The following SYNE2 variants were observed in gnomAD, a reference collection of about 807,000 sequenced individuals.
The protein encoded by SYNE2 is spectrin repeat containing nuclear envelope protein 2, also known as nesprin-2.
SYNE2 carries 431 observed loss-of-function variants against 856.3 expected under a neutral mutation model. The ratio of observed to expected loss-of-function variants is 0.50; its 90% CI spans 0.47 to 0.55. The LOEUF (loss-of-function observed/expected upper bound fraction) is 0.55, where lower values mean the gene tolerates loss of function less well. SYNE2 is among the 20% of genes least tolerant of loss of function. The probability of loss-of-function intolerance (pLI) is 0.00; values close to 1 mark genes in which losing one functional copy is unlikely to be tolerated. For missense variants in SYNE2, 8,129 were observed against 8,023.2 expected (o/e 1.01, Z -0.50); for synonymous variants, 2,923 against 2,872.3 (o/e 1.02, Z -0.56).
chr14:64,167,728 C>T, intron 92 of SYNE2, 89 bp downstream of exon 92: 2 of 1,534,790 alleles, frequency 1.3e-6, no homozygotes, highest in Non-Finnish European at 1.8e-6. Context: ...AGGGAGTGTA[C>T]CTATCAGTCC....
In SYNE2 at chr14:63,856,834, C is replaced by T. The variant is rs1019589184; in HGVS notation, c.-52+3691C>T. ...TCACCCAGGCTGGAGTACAGTGGTG[C>T]GATCATGGCTCACTGTAGCCTCTAC... On this transcript the variant is annotated intron_variant, in intron 1 of 115. Coordinates refer to ENST00000555002, the MANE Select transcript of SYNE2 (RefSeq NM_182914.3). Among the ~76,000 whole-genome samples, 7 of 152,250 alleles carry T rather than the reference C, an allele frequency of 4.6e-5. 1 individual carries two copies. The highest frequency in any genetic ancestry group is 4.1e-4 in the South Asian group (2 of 4,830).
At chr14:64,038,750 G>A (rs938203762) in intron 45 of SYNE2, among the ~76,000 whole-genome samples, 3 of 152,272 alleles carry the variant, frequency 2.0e-5, no homozygotes, top group Non-Finnish European at 4.4e-5. Flanking sequence ...GGCTGAGGCA[G>A]GAGAATCAGG....
chr14:63,964,688 C>A (rs902556348), intron 10 of SYNE2, among the ~76,000 whole-genome samples: 5 of 152,000 alleles, frequency 3.3e-5, no homozygotes, highest in Non-Finnish European at 7.4e-5. Flanking sequence ...CCATGCCCAG[C>A]TAATTTTGTG....
chr14:63,940,493 A>T, intron 2 of SYNE2, 121 bp from the exon 3 acceptor site: 2 of 880,150 alleles, frequency 2.3e-6, no homozygotes, highest in Non-Finnish European at 3.8e-6. Flanking sequence ...TAAATCCTGG[A>T]AAGTTTGTAA....
chr14:63,902,991 T>A (rs1337389096), intron 1 of SYNE2, among the ~76,000 whole-genome samples: 2 of 152,216 alleles, frequency 1.3e-5, no homozygotes, highest in East Asian at 3.8e-4. Flanking sequence ...GACTCTTTCT[T>A]CTGCCTTCCT....
chr14:64,221,100 G>A (rs1431861263), intron 111 of SYNE2, among the ~76,000 whole-genome samples: 1 of 152,088 alleles, frequency 6.6e-6, no homozygotes, highest in Non-Finnish European at 1.5e-5. Flanking sequence ...GTTCTTTTTA[G>A]GAGTAAATGA....
chr14:63,988,578 C>T (rs1312357485), intron 19 of SYNE2, among the ~76,000 whole-genome samples: 1 of 152,222 alleles, frequency 6.6e-6, no homozygotes, highest in East Asian at 1.9e-4. Context: ...GTTGATATCA[C>T]ATACTATAAC....
At chr14:64,170,558 G>A in intron 94 of SYNE2, 96 bp downstream of exon 94, 1 of 1,256,528 alleles carries the variant, frequency 8.0e-7, no homozygotes, top group Non-Finnish European at 1.1e-6. Context: ...ATGATGATGT[G>A]ATCCAAGTGG....
In SYNE2 at chr14:64,223,313, T is replaced by C. The variant is rs1474759634; in HGVS notation, c.20315T>C (p.Ile6772Thr). Residue 6772 changes from isoleucine to threonine, a missense_variant, in exon 113 of 116, where the codon ATT becomes ACT. Around this residue, in one of 3 missense-constraint regions of SYNE2, gnomAD observed 5,410 missense variants for 5,284.8 expected, o/e 1.02. Transcript: ENST00000555002. ...CIEAEEKVHVIEKKLKQLREQ... is the reference protein window; with the variant it reads ...CIEAEEKVHVTEKKLKQLREQ... ...GAAGCTGAAGAAAAGGTGCATGTTA[T>C]TGAGAAGAAACTCAAACAGTTACGG... 1.9e-6 allele frequency: 3 copies of C among 1,614,084 alleles called. No individual in the cohort carries two copies. Among genetic ancestry groups the C allele is most frequent in the Admixed American group, 1.7e-5 (1 of 60,014 alleles).
chr14:64,026,020 A>C (rs1332725834), intron 41 of SYNE2, among the ~76,000 whole-genome samples: 1 of 152,230 alleles, frequency 6.6e-6, no homozygotes, highest in Non-Finnish European at 1.5e-5. Flanking sequence ...AACTGAAATC[A>C]CATTCATTGA....
At chr14:64,031,816 G>A (rs1191164161) in intron 45 of SYNE2, among the ~76,000 whole-genome samples, 2 of 152,192 alleles carry the variant, frequency 1.3e-5, no homozygotes, top group African/African-American at 4.8e-5. Context: ...ATCATTTAGT[G>A]TGAGGATAGC....
At chr14:64,197,541 G>A (rs2098545762) in intron 99 of SYNE2, among the ~76,000 whole-genome samples, 1 of 152,176 alleles carries the variant, frequency 6.6e-6, no homozygotes, top group Non-Finnish European at 1.5e-5. Flanking sequence ...CTGCCCGCAG[G>A]TTTGACTATT....
intron 23 of SYNE2, among the ~76,000 whole-genome samples, 173 bp downstream of exon 23, chr14:63,995,375 C>CA (rs2096705274): frequency 6.6e-6 from 1 of 152,136 alleles, no homozygotes; most frequent in Admixed American, 6.6e-5. Context: ...GTACTTCTTA[C>CA]TTTTTAGAAG....
At chr14:64,163,256 T>G (rs2098342510) in intron 88 of SYNE2, 146 bp from the exon 89 acceptor site, 1 of 1,022,068 alleles carries the variant, frequency 9.8e-7, no homozygotes, top group African/African-American at 1.6e-5. Context: ...CCCAGCCTTT[T>G]CAGCTATTTA....
chr14:64,040,027 G>T (rs1269314442), intron 45 of SYNE2, among the ~76,000 whole-genome samples: 1 of 152,198 alleles, frequency 6.6e-6, no homozygotes. Flanking sequence ...CAGGTTTTGA[G>T]TCTAAATTTA....
intron 2 of SYNE2, among the ~76,000 whole-genome samples, chr14:63,926,325 T>C (rs1277254774): frequency 1.3e-5 from 2 of 151,864 alleles, no homozygotes; most frequent in Non-Finnish European, 2.9e-5. Context: ...TGGACTCATA[T>C]AATATGTGGT....
At chr14:64,193,844 A>G (rs2098529090) in intron 99 of SYNE2, among the ~76,000 whole-genome samples, 1 of 152,238 alleles carries the variant, frequency 6.6e-6, no homozygotes, top group African/African-American at 2.4e-5. Flanking sequence ...TTTCATTTGA[A>G]TTCTTAAAAC....
chr14:64,221,665 A>G lies in SYNE2; in HGVS notation c.20151A>G (p.Ala6717=). Residue 6717 remains alanine, a synonymous_variant, in exon 112 of 116, where the codon GCA becomes GCG. Coordinates refer to ENST00000555002, the MANE Select transcript of SYNE2 (RefSeq NM_182914.3). ...AGGCTCATGTCACCGATCCAAAGGCAGACCCCCGGGCTCTCCTAGAGTGTC... is the reference window on the plus strand; with the variant it reads ...AGGCTCATGTCACCGATCCAAAGGCGGACCCCCGGGCTCTCCTAGAGTGTC... The part of the protein sequence containing the change: ...RQKAHVTDPK[A]DPRALLECRR... 6.2e-7 allele frequency: 1 copy of G among 1,614,134 alleles called. No homozygotes were observed. The highest frequency in any genetic ancestry group is 2.2e-5 in the East Asian group (1 of 44,876).
In SYNE2 at chr14:64,052,136, A is replaced by T. The variant is rs764264304; in HGVS notation, c.8223A>T (p.Leu2741Phe). ...DIRNKMKETI[L>F]WAKNLLGELN... ...GGAACAAGATGAAAGAGACTATCTT[A>T]TGGGCCAAGAATTTGTTGGGTGAAC... Residue 2741 changes from leucine (L) to phenylalanine (F), a missense_variant, in exon 48 of 116, where the codon TTA becomes TTT. Transcript: ENST00000555002. 1 of 1,614,194 alleles carries T rather than the reference A, an allele frequency of 6.2e-7. No individual in the cohort carries two copies. Among genetic ancestry groups the T allele is most frequent in the South Asian group, 1.1e-5 (1 of 91,088 alleles).
Sources: gnomAD v4.1 joint callset for allele counts (sites outside exome capture counted in the v4.1 genomes callset) on GRCh38, gnomAD v4.1.1 for gene constraint, gnomAD v4.1.1 regional missense constraint, MANE v1.5 for transcripts, NCBI Gene and HGNC (gene_info 2026-07-23, HGNC 2026-07-21) for gene names.